The following RBFOX1 variants were observed in gnomAD, a reference collection of about 807,000 sequenced individuals.
The protein encoded by RBFOX1 is RNA binding fox-1 homolog 1, also known as RNA binding protein fox-1 homolog 1.
A neutral mutation model predicts 57.7 loss-of-function variants in RBFOX1; 8 were observed. The ratio of observed to expected loss-of-function variants is 0.14; its 90% CI spans 0.08 to 0.25. The LOEUF is 0.25. RBFOX1 is among the 10% of genes least tolerant of loss of function. RBFOX1 has a pLI of 1.00. For missense variants in RBFOX1, 611 were observed against 548.5 expected, an observed-to-expected ratio of 1.11 and a Z score of -1.14; for synonymous variants, 326 against 222.4, an observed-to-expected ratio of 1.47 and a Z score of -4.15.
At chr16:7,330,773 A>T (rs549274963) in intron 4 of RBFOX1, among the ~76,000 whole-genome samples, 1 of 152,150 alleles carries the variant, frequency 6.6e-6, no homozygotes, top group South Asian at 2.1e-4. Flanking sequence ...AACACTAAAG[A>T]GACAATTTGA....
intron 1 of RBFOX1, among the ~76,000 whole-genome samples, chr16:5,293,747 G>A (rs140865346): frequency 0.01 from 1,539 of 151,916 alleles, 32 homozygotes; most frequent in African/African-American, 0.035. Context: ...GCCAGGTGCT[G>A]GGGGAAAGGG....
intron 3 of RBFOX1, among the ~76,000 whole-genome samples, chr16:6,697,380 C>G (rs2061212005): frequency 1.3e-5 from 2 of 152,242 alleles, no homozygotes; most frequent in Non-Finnish European, 2.9e-5. Context: ...GTGCAAGCAA[C>G]AGAAACCCAA....
At chr16:7,190,497 T>G (rs2085105906) in intron 4 of RBFOX1, among the ~76,000 whole-genome samples, 1 of 152,178 alleles carries the variant, frequency 6.6e-6, no homozygotes, top group Non-Finnish European at 1.5e-5. Flanking sequence ...CAGGCATTTT[T>G]TTTTTCTTTC....
chr16:6,186,986 A>G (rs1247763897), intron 1 of RBFOX1, among the ~76,000 whole-genome samples: 2 of 152,110 alleles, frequency 1.3e-5, no homozygotes, highest in Non-Finnish European at 2.9e-5. Context: ...TTATTTGGGT[A>G]TATTTATCTG....
chr16:5,956,191 G>T (rs1391484373), intron 4 of RBFOX1, among the ~76,000 whole-genome samples: 4 of 152,126 alleles, frequency 2.6e-5, no homozygotes, highest in Non-Finnish European at 5.9e-5. Context: ...CACGAGGATT[G>T]CTTGAACCCA....
At position 5,642,865 on chromosome 16, in the gene RBFOX1, C is replaced by T. The variant is rs74742762; in HGVS notation, c.318+43904C>T. Among the ~76,000 whole-genome samples, 979 of 152,216 alleles carry T rather than the reference C, an allele frequency of 6.4e-3. 47 individuals carry two copies. In the South Asian group the frequency reaches 0.096, roughly 15 times the overall value. On this transcript the variant is annotated intron_variant, in intron 3 of 19. Transcript: ENST00000641259. ...GGTGCTGCCTGATGACTCTGTGGCCCCTAGAGTGAGGGGGTCTGTATTCAA... is the reference window on the plus strand; with the variant it reads ...GGTGCTGCCTGATGACTCTGTGGCCTCTAGAGTGAGGGGGTCTGTATTCAA...
chr16:5,369,898 C>G (rs879579339), intron 1 of RBFOX1, among the ~76,000 whole-genome samples: 1 of 152,038 alleles, frequency 6.6e-6, no homozygotes, highest in Non-Finnish European at 1.5e-5. Context: ...TACTTTTGCA[C>G]CAACCTATAG....
intron 3 of RBFOX1, among the ~76,000 whole-genome samples, chr16:5,652,807 C>G (rs1162772546): frequency 6.6e-6 from 1 of 152,214 alleles, no homozygotes; most frequent in Admixed American, 6.5e-5. Context: ...CTCCTTTTCC[C>G]AGCTCAGCCA....
intron 5 of RBFOX1, among the ~76,000 whole-genome samples, chr16:7,545,699 A>C (rs4786182): frequency 0.52 from 79,514 of 151,984 alleles, 24,500 homozygotes; most frequent in Non-Finnish European, 0.7. Flanking sequence ...GATTTACCTA[A>C]GGCTGCTATA....
intron 1 of RBFOX1, among the ~76,000 whole-genome samples, chr16:5,448,812 C>G (rs761365844): frequency 5.9e-5 from 9 of 152,190 alleles, no homozygotes; most frequent in Non-Finnish European, 8.8e-5. Flanking sequence ...CTCTAGGCAT[C>G]TGGGATACAT....
intron 2 of RBFOX1, among the ~76,000 whole-genome samples, chr16:6,332,763 T>C (rs981147930): frequency 2.6e-5 from 4 of 152,234 alleles, no homozygotes; most frequent in East Asian, 1.9e-4. Flanking sequence ...TTCAGAGAAC[T>C]TAAAGGTGTT....
intron 4 of RBFOX1, among the ~76,000 whole-genome samples, chr16:7,151,823 C>G (rs181645997): frequency 6.6e-6 from 1 of 152,148 alleles, no homozygotes; most frequent in East Asian, 1.9e-4. Flanking sequence ...CCACATGCAA[C>G]CTAGCTCCTT....
intron 4 of RBFOX1, among the ~76,000 whole-genome samples, chr16:7,203,654 A>G (rs1293855274): frequency 6.6e-6 from 1 of 152,204 alleles, no homozygotes; most frequent in African/African-American, 2.4e-5. Context: ...CACAGCTCAG[A>G]TAGGGTCCCT....
intron 3 of RBFOX1, among the ~76,000 whole-genome samples, chr16:5,625,090 A>C (rs2048309819): frequency 6.6e-6 from 1 of 152,172 alleles, no homozygotes; most frequent in Non-Finnish European, 1.5e-5. Flanking sequence ...CACAGAATGC[A>C]ATGAAATGGA....
At chr16:7,161,174 A>AGT (rs2078249336) in intron 4 of RBFOX1, among the ~76,000 whole-genome samples, 1 of 152,146 alleles carries the variant, frequency 6.6e-6, no homozygotes, top group Admixed American at 6.5e-5. Flanking sequence ...GGTGATTGGA[A>AGT]GTGGCTATCT....
rs1423287816 is a variant in RBFOX1 at position 6,637,425 on chromosome 16, ATATAT to A, written c.-63-17172_-63-17168del. Among the ~76,000 whole-genome samples, 13 of 10,092 alleles carry A rather than the reference ATATAT, an allele frequency of 1.3e-3. 3 individuals carry two copies. The highest frequency in any genetic ancestry group is 0.083 in the East Asian group (1 of 12). 6.6% of individuals were successfully genotyped at this position (10,092 alleles called of 152,430 possible). A position where few individuals can be genotyped will look rare whatever the true frequency, so the allele number is the denominator to read the frequency against. ...AATATATATATTATATAATATATAA[ATATAT>A]TATATAAATATATGTAAATGTATAT... On this transcript the variant is annotated intron_variant, in intron 2 of 15. Transcript: ENST00000550418.
intron 2 of RBFOX1, among the ~76,000 whole-genome samples, chr16:5,513,001 C>T (rs939678756): frequency 1.3e-5 from 2 of 152,168 alleles, no homozygotes; most frequent in Admixed American, 1.3e-4. Flanking sequence ...CTGCAACCTC[C>T]ACCTCCTAGG....
intron 3 of RBFOX1, among the ~76,000 whole-genome samples, chr16:5,764,412 C>A (rs1491003913): frequency 1.3e-5 from 2 of 152,222 alleles, no homozygotes; most frequent in African/African-American, 4.8e-5. Context: ...GCCTGCAGAA[C>A]CATGAGCCAA....
At chr16:7,348,364 T>A (rs955089939) in intron 4 of RBFOX1, among the ~76,000 whole-genome samples, 2 of 152,198 alleles carry the variant, frequency 1.3e-5, no homozygotes, top group Non-Finnish European at 2.9e-5. Context: ...GCTGGGTTTT[T>A]AATAGGAACA....
Sources: gnomAD v4.1 joint callset for allele counts (sites outside exome capture counted in the v4.1 genomes callset) on GRCh38, gnomAD v4.1.1 for gene constraint, MANE v1.5 for transcripts, NCBI Gene and HGNC (gene_info 2026-07-23, HGNC 2026-07-21) for gene names.